PLCL1: variants seen among roughly 807,000 people sequenced by gnomAD.
PLCL1 encodes inactive phospholipase C-like protein 1.
A neutral mutation model predicts 84.4 loss-of-function variants in PLCL1; 41 were observed. That is an observed-to-expected ratio of 0.49 (90% confidence interval 0.38 to 0.63). PLCL1 has a LOEUF of 0.63. Among genes scored for constraint, PLCL1 ranks in the 30% least tolerant of loss-of-function variants. PLCL1 has a pLI of 0.00. For synonymous variants in PLCL1, 490 were observed against 488.3 expected (o/e 1.00, Z -0.05); for missense variants, 1,206 against 1,367.8 (o/e 0.88, Z 1.87).
At chr2:198,106,419 G>C (rs576928668) in intron 5 of PLCL1, among the ~76,000 whole-genome samples, 135 of 152,060 alleles carry the variant, frequency 8.9e-4, no homozygotes, top group African/African-American at 3.1e-3. Flanking sequence ...CATGAAGTTA[G>C]CAGTCTGAGT....
intron 5 of PLCL1, among the ~76,000 whole-genome samples, chr2:198,133,811 C>T (rs1311689991): frequency 6.6e-6 from 1 of 152,056 alleles, no homozygotes; most frequent in Non-Finnish European, 1.5e-5. Flanking sequence ...TTCAATGATG[C>T]TAGTAATTAA....
intron 1 of PLCL1, among the ~76,000 whole-genome samples, chr2:197,997,865 G>C (rs1455189570): frequency 6.6e-6 from 1 of 152,150 alleles, no homozygotes; most frequent in Non-Finnish European, 1.5e-5. Context: ...GTTCCCTGAG[G>C]CTGATTCATT....
chr2:197,917,045 T>C (rs1688612440), intron 1 of PLCL1, among the ~76,000 whole-genome samples: 1 of 152,222 alleles, frequency 6.6e-6, no homozygotes, highest in African/African-American at 2.4e-5. Context: ...GGAACCCTCA[T>C]TCATTGCTTC....
In PLCL1 at chr2:197,898,918, C is replaced by T. The variant is rs996815217; in HGVS notation, c.240+93579C>T. On this transcript the variant is annotated intron_variant, in intron 1 of 5. Transcript: ENST00000428675. ...GTAGAGCATTCAGCACAGTACCTGCCGTTCGATAAAGACTCACACAATATT... is the reference window on the plus strand; with the variant it reads ...GTAGAGCATTCAGCACAGTACCTGCTGTTCGATAAAGACTCACACAATATT... Among the ~76,000 whole-genome samples, 8 of 152,010 alleles carry T rather than the reference C, an allele frequency of 5.3e-5. No individual in the cohort carries two copies. The East Asian group carries it at 7.7e-4, about 15-fold the overall frequency.
chr2:198,131,795 A>G (rs1694125974), intron 5 of PLCL1, among the ~76,000 whole-genome samples: 1 of 152,132 alleles, frequency 6.6e-6, no homozygotes, highest in African/African-American at 2.4e-5. Context: ...CAAGCCTGTC[A>G]TTTCTCATTT....
At chr2:197,843,292 AT>A (rs1472277451) in intron 1 of PLCL1, among the ~76,000 whole-genome samples, 2 of 152,118 alleles carry the variant, frequency 1.3e-5, no homozygotes, top group Non-Finnish European at 2.9e-5. Flanking sequence ...TTTGCCACAT[AT>A]TTTCCCCTCC....
intron 1 of PLCL1, among the ~76,000 whole-genome samples, chr2:197,913,755 T>C (rs956070449): frequency 6.6e-6 from 1 of 152,216 alleles, no homozygotes; most frequent in Non-Finnish European, 1.5e-5. Flanking sequence ...ATTAACTTTT[T>C]ACCAGAATCC....
intron 3 of PLCL1, among the ~76,000 whole-genome samples, chr2:198,095,616 G>A (rs1693172188): frequency 6.6e-6 from 1 of 152,118 alleles, no homozygotes. Flanking sequence ...AACCTGGTGA[G>A]GTACTACCCA....
chr2:197,983,939 A>T (rs1422743626), intron 1 of PLCL1, among the ~76,000 whole-genome samples: 3 of 152,200 alleles, frequency 2.0e-5, no homozygotes. Context: ...AAAAAGTTTT[A>T]CTGTGCTTCC....
rs533249221 is a variant in PLCL1 at position 198,101,374 on chromosome 2, AT to A, written c.2995+23del. On this transcript the variant is annotated intron_variant, in intron 4 of 5. Coordinates refer to ENST00000428675, the MANE Select transcript of PLCL1 (RefSeq NM_006226.4). The stretch of plus-strand genomic sequence containing the variant: ...GTCAGAAAGCAGGTAATTGTTTTTA[AT>A]TTTTTTTTCTGTTTTTTTTTTCTAT... 2.6e-4 allele frequency: 365 copies of A among 1,399,060 alleles called. No individual in the cohort carries two copies. The East Asian group carries it at 3.1e-3, about 12-fold the overall frequency. 86.7% of individuals were successfully genotyped at this position (1,399,060 alleles called of 1,614,324 possible). A position where few individuals can be genotyped will look rare whatever the true frequency, so the allele number is the denominator to read the frequency against.
intron 1 of PLCL1, among the ~76,000 whole-genome samples, chr2:198,007,442 A>G (rs1690753767): frequency 6.6e-6 from 1 of 152,204 alleles, no homozygotes; most frequent in African/African-American, 2.4e-5. Flanking sequence ...TGGAATTATC[A>G]GTCTCAACAG....
At chr2:198,135,437 G>A (rs192015210) in intron 5 of PLCL1, among the ~76,000 whole-genome samples, 2 of 152,316 alleles carry the variant, frequency 1.3e-5, no homozygotes, top group Admixed American at 1.3e-4. Flanking sequence ...GAAGGAAAGA[G>A]CAGAGAGCAA....
intron 1 of PLCL1, among the ~76,000 whole-genome samples, chr2:197,882,748 A>G (rs1687853228): frequency 6.6e-6 from 1 of 152,254 alleles, no homozygotes; most frequent in African/African-American, 2.4e-5. Flanking sequence ...TAAAAGCAGC[A>G]TTATGTACAG....
At chr2:197,903,468 A>ATTTTTT (rs3056105) in intron 1 of PLCL1, among the ~76,000 whole-genome samples, 930 of 47,830 alleles carry the variant, frequency 0.019, 133 homozygotes, top group East Asian at 0.05. Context: ...CTCCATTTAA[A>ATTTTTT]TTTTTTTTTT....
At chr2:197,817,932 G>A (rs1377778313) in intron 1 of PLCL1, among the ~76,000 whole-genome samples, 1 of 151,798 alleles carries the variant, frequency 6.6e-6, no homozygotes. Flanking sequence ...ACTTTTAACC[G>A]ATGGGCACCT....
intron 1 of PLCL1, among the ~76,000 whole-genome samples, chr2:197,936,387 C>T (rs1689056195): frequency 6.6e-6 from 1 of 152,098 alleles, no homozygotes; most frequent in African/African-American, 2.4e-5. Context: ...CAACAATGTA[C>T]AAGCCTTTCC....
In PLCL1 at chr2:198,065,411, A is replaced by G. The variant is rs1281134250; in HGVS notation, c.241-18347A>G. ...CAATTGCTTGATAAATGTCAATTCA[A>G]TGAAATGACATGCACATTCAGAATC... On this transcript the variant is annotated intron_variant, in intron 1 of 5. Transcript: ENST00000428675. Among the ~76,000 whole-genome samples, 3 of 152,186 alleles carry G rather than the reference A, an allele frequency of 2.0e-5. No homozygotes were observed. In the South Asian group the frequency reaches 6.2e-4, roughly 31 times the overall value.
rs71015804 is a variant in PLCL1, at chr2:197,975,147, C to CAA, written c.241-108585_241-108584dup. On this transcript the variant is annotated intron_variant, in intron 1 of 5. Transcript: ENST00000428675. The stretch of plus-strand genomic sequence containing the variant: ...TGGGCGACAGAGCGAGACTCCATCT[C>CAA]AAAAAAAAAAAAAAAAAAAAAAAAA... Among the ~76,000 whole-genome samples the CAA allele has an allele frequency of 4.4e-3, 88 of 19,874 alleles. 9 individuals are homozygous for CAA. The highest frequency in any genetic ancestry group is 7.9e-3 in the East Asian group (4 of 504). 13.0% of individuals were successfully genotyped at this position (19,874 alleles called of 152,430 possible). A position where few individuals can be genotyped will look rare whatever the true frequency, so the allele number is the denominator to read the frequency against.
intron 1 of PLCL1, among the ~76,000 whole-genome samples, chr2:198,034,777 T>G (rs899499565): frequency 1.3e-5 from 2 of 152,228 alleles, no homozygotes; most frequent in African/African-American, 4.8e-5. Flanking sequence ...AGGAAATCAA[T>G]CCAGGATCAC....
Sources: allele counts gnomAD v4.1 joint callset (sites outside exome capture counted in the v4.1 genomes callset), GRCh38; gene constraint gnomAD v4.1.1; transcripts MANE v1.5; gene names NCBI Gene and HGNC (gene_info 2026-07-23, HGNC 2026-07-21).